The following ROBO2 variants were observed in gnomAD, a reference collection of about 807,000 sequenced individuals.
ROBO2 encodes roundabout guidance receptor 2.
Under a neutral mutation model 160.8 loss-of-function variants are expected in ROBO2, and 53 were observed. That is an observed-to-expected ratio of 0.33 (90% confidence interval 0.26 to 0.41). ROBO2 has a LOEUF of 0.41. Among genes scored for constraint, ROBO2 ranks in the 10% least tolerant of loss-of-function variants. The pLI, the probability that ROBO2 is intolerant of heterozygous loss-of-function variation, is 1.00. For missense variants in ROBO2, 1,577 were observed against 1,722.4 expected (o/e 0.92, Z 1.49); for synonymous variants, 664 against 611.7 (o/e 1.09, Z -1.26).
intron 2 of ROBO2, among the ~76,000 whole-genome samples, chr3:77,415,501 T>C (rs1320456484): frequency 6.6e-6 from 1 of 152,158 alleles, no homozygotes; most frequent in Non-Finnish European, 1.5e-5. Context: ...CACAGGGCGC[T>C]TTCAGCTCCA....
intron 2 of ROBO2, among the ~76,000 whole-genome samples, chr3:76,309,731 A>G (rs548600025): frequency 1.2e-3 from 189 of 152,286 alleles, no homozygotes; most frequent in African/African-American, 4.4e-3. Context: ...CCATACATAT[A>G]CTAACATGTA....
chr3:77,024,972 G>GTTTGTTT (rs199668965), intron 2 of ROBO2, among the ~76,000 whole-genome samples: 2 of 149,000 alleles, frequency 1.3e-5, no homozygotes, highest in African/African-American at 4.9e-5. Flanking sequence ...GTTTTTTTTT[G>GTTTGTTT]TTTGTTTTTT....
intron 3 of ROBO2, among the ~76,000 whole-genome samples, chr3:77,478,748 T>G (rs1274334523): frequency 6.6e-6 from 1 of 152,216 alleles, no homozygotes; most frequent in Non-Finnish European, 1.5e-5. Context: ...ATCTTAAAAA[T>G]ATGTTTATTA....
intron 2 of ROBO2, among the ~76,000 whole-genome samples, chr3:76,746,583 A>G (rs1016910257): frequency 6.6e-6 from 1 of 152,150 alleles, no homozygotes; most frequent in Admixed American, 6.6e-5. Flanking sequence ...TCTGATAGCC[A>G]GTGATGGTGA....
chr3:76,213,005 A>G (rs1559646164), intron 2 of ROBO2, among the ~76,000 whole-genome samples: 2 of 152,174 alleles, frequency 1.3e-5, no homozygotes, highest in African/African-American at 4.8e-5. Context: ...TAAGTTAAAC[A>G]CTATCTCTTT....
intron 2 of ROBO2, among the ~76,000 whole-genome samples, chr3:76,075,662 A>C (rs1349548665): frequency 6.6e-6 from 1 of 152,236 alleles, no homozygotes; most frequent in Non-Finnish European, 1.5e-5. Context: ...CCAATAGCGT[A>C]GACAAACAAA....
At chr3:77,584,071 A>AG (rs1414030004) in intron 16 of ROBO2, among the ~76,000 whole-genome samples, 1 of 152,150 alleles carries the variant, frequency 6.6e-6, no homozygotes, top group Non-Finnish European at 1.5e-5. Flanking sequence ...TTGCATGCAC[A>AG]GTTCAGGGTT....
At chr3:77,343,869 T>G (rs2067334769) in intron 2 of ROBO2, among the ~76,000 whole-genome samples, 3 of 152,048 alleles carry the variant, frequency 2.0e-5, no homozygotes, top group Admixed American at 2.0e-4. Context: ...TGCAAACCAT[T>G]TATGCTGAAC....
chr3:75,961,683 AATAG>A (rs1439555583), intron 2 of ROBO2, among the ~76,000 whole-genome samples: 2 of 151,710 alleles, frequency 1.3e-5, no homozygotes, highest in Middle Eastern at 3.2e-3. Flanking sequence ...TGATCCTCTA[AATAG>A]ATTTTTTTAT....
chr3:76,283,585 A>C (rs888478360), intron 2 of ROBO2, among the ~76,000 whole-genome samples: 2 of 151,984 alleles, frequency 1.3e-5, no homozygotes, highest in African/African-American at 4.8e-5. Flanking sequence ...GAAGCTTTTA[A>C]AAGAGTGAAT....
intron 2 of ROBO2, among the ~76,000 whole-genome samples, chr3:76,104,577 A>G (rs1423898802): frequency 1.3e-5 from 2 of 152,204 alleles, no homozygotes. Flanking sequence ...ATTTCTAATG[A>G]ATTCCAATCA....
chr3:76,436,182 C>CACACACACACACACACACACACACACT (rs2076672911), intron 2 of ROBO2, among the ~76,000 whole-genome samples: 1 of 26,174 alleles, frequency 3.8e-5, no homozygotes. Flanking sequence ...ACACACACAC[C>CACACACACACACACACACACACACACT]ATTTCTTTTT....
chr3:77,352,109 T>TA (rs34760101), intron 2 of ROBO2, among the ~76,000 whole-genome samples: 60,167 of 144,586 alleles, frequency 0.42, 13,053 homozygotes, highest in East Asian at 0.71. Flanking sequence ...ATAATAAAAT[T>TA]AAAAAAAAAA....
At chr3:75,952,693 T>C (rs1209289889) in intron 2 of ROBO2, among the ~76,000 whole-genome samples, 1 of 152,010 alleles carries the variant, frequency 6.6e-6, no homozygotes, top group African/African-American at 2.4e-5. Context: ...ATGCATTCTA[T>C]AGGTTTTGTC....
chr3:77,549,526 T>C (rs1170770683), intron 7 of ROBO2, among the ~76,000 whole-genome samples: 1 of 152,068 alleles, frequency 6.6e-6, no homozygotes, highest in Non-Finnish European at 1.5e-5. Flanking sequence ...ATTCCTGACA[T>C]GCTAGCAAAC....
At chr3:76,199,690 ACT>A (rs1458705797) in intron 2 of ROBO2, among the ~76,000 whole-genome samples, 20 of 152,184 alleles carry the variant, frequency 1.3e-4, no homozygotes, top group Middle Eastern at 3.4e-3. Flanking sequence ...AATGATCAAC[ACT>A]CTGTCAATAA....
intron 2 of ROBO2, among the ~76,000 whole-genome samples, chr3:77,150,915 C>T (rs1011237441): frequency 2.6e-5 from 4 of 152,036 alleles, no homozygotes; most frequent in Admixed American, 6.6e-5. Context: ...ATGTGAAAGT[C>T]AAGTTTAATT....
At chr3:76,490,872 A>C (rs1005749450) in intron 2 of ROBO2, among the ~76,000 whole-genome samples, 2 of 152,206 alleles carry the variant, frequency 1.3e-5, no homozygotes, top group Admixed American at 6.5e-5. Context: ...ATAGCAGACC[A>C]AAGAAGATTC....
chr3:76,882,086 TTGTGTGTG>T (rs10611502), intron 2 of ROBO2, among the ~76,000 whole-genome samples: 5 of 144,366 alleles, frequency 3.5e-5, no homozygotes, highest in South Asian at 2.3e-4. Flanking sequence ...CGTAGGTTGG[TTGTGTGTG>T]TGTGTGTGTG....
Sources: gnomAD v4.1 joint callset for allele counts (sites outside exome capture counted in the v4.1 genomes callset) on GRCh38, gnomAD v4.1.1 for gene constraint, MANE v1.5 for transcripts, NCBI Gene and HGNC (gene_info 2026-07-23, HGNC 2026-07-21) for gene names.